The following ATAD3B variants were observed in gnomAD, a reference collection of about 807,000 sequenced individuals.
The protein encoded by ATAD3B is ATPase family AAA domain containing 3B, also known as ATPase family AAA domain-containing protein 3B.
A neutral mutation model predicts 70.2 loss-of-function variants in ATAD3B; 59 were observed. The observed-to-expected ratio is 0.84, with a 90% CI of 0.68 to 1.04. ATAD3B has a LOEUF of 1.04. Among genes scored for constraint, ATAD3B ranks in the 50% least tolerant of loss-of-function variants. The pLI, the probability that ATAD3B is intolerant of heterozygous loss-of-function variation, is 0.00. For missense variants in ATAD3B, 961 were observed against 913.4 expected (o/e 1.05, Z -0.67); for synonymous variants, 423 against 388.6 (o/e 1.09, Z -1.04).
chr1:1,483,087 G>A (rs1233582509), intron 7 of ATAD3B: 1 of 453,914 alleles, frequency 2.2e-6, no homozygotes, highest in South Asian at 1.6e-5. Flanking sequence ...GAGGTCCGGA[G>A]ATCGAGATCA....
Position 1,486,435 on chromosome 1 carries a change from C to G in ATAD3B, c.1090-109C>G. ...ACGTCTCCTGTCTGGCAGGCTGTGG[C>G]TTCCAGACAGGGACACCCGGCAGGG... On this transcript the variant is annotated intron_variant, in intron 10 of 15. Transcript: ENST00000673477. The G allele has an allele frequency of 2.5e-6, 4 of 1,607,530 alleles. No individual in the cohort carries two copies. The South Asian group carries it at 4.4e-5, about 18-fold the overall frequency.
chr1:1,490,190 C>T lies in ATAD3B; in HGVS notation c.1338-67C>T, dbSNP rs1481224973. 58 of 1,573,204 alleles carry T rather than the reference C, an allele frequency of 3.7e-5. 1 individual carries two copies. The highest frequency in any genetic ancestry group is 4.6e-5 in the Non-Finnish European group (53 of 1,159,290). On this transcript the variant is annotated intron_variant, in intron 13 of 15. Coordinates refer to ENST00000673477, the MANE Select transcript of ATAD3B (RefSeq NM_031921.6). The stretch of plus-strand genomic sequence containing the variant: ...AAGTCTCCCCGAGGGGGCTGAGGAG[C>T]CCCCGTTGCCCTCGGGGCATCTCAG...
At chr1:1,483,603 C>T (rs1640041282) in intron 7 of ATAD3B, 1 of 159,712 alleles carries the variant, frequency 6.3e-6, no homozygotes, top group Non-Finnish European at 1.4e-5. Flanking sequence ...GAAAACCCAT[C>T]TCTACTAAAA....
intron 1 of ATAD3B, among the ~76,000 whole-genome samples, chr1:1,475,002 CGTA>C (rs1166052753): frequency 2.0e-5 from 3 of 149,176 alleles, no homozygotes; most frequent in South Asian, 2.1e-4. Flanking sequence ...GAAGCTGAAT[CGTA>C]GTGATCAGCC....
rs1441495110 is a variant in ATAD3B at position 1,485,916 on chromosome 1, G to A, written c.963+78G>A. On this transcript the variant is annotated intron_variant, in intron 9 of 15. Transcript: ENST00000673477. ...GGGCTGGGCTGTGGCCCTTGCTAGC[G>A]CTCGTGGTGGCGCCCAGGAGCTTTT... 34 of 1,607,894 alleles carry A rather than the reference G, an allele frequency of 2.1e-5. 1 individual carries two copies. Among genetic ancestry groups the A allele is most frequent in the South Asian group, 5.5e-5 (5 of 90,646 alleles).
chr1:1,483,019 C>G (rs755646404), intron 7 of ATAD3B: 144 of 457,284 alleles, frequency 3.1e-4, no homozygotes, highest in Admixed American at 3.1e-4. Flanking sequence ...AATGGCCAGG[C>G]GGTAGTGGCT....
At chr1:1,473,300 C>T (rs1639427315) in intron 1 of ATAD3B, among the ~76,000 whole-genome samples, 1 of 151,204 alleles carries the variant, frequency 6.6e-6, no homozygotes, top group African/African-American at 2.4e-5. Flanking sequence ...CCACCACGCC[C>T]GGCTAATTTT....
chr1:1,479,396 G>A (rs867129403), intron 4 of ATAD3B, among the ~76,000 whole-genome samples: 2 of 139,802 alleles, frequency 1.4e-5, no homozygotes, highest in African/African-American at 5.4e-5. Flanking sequence ...GCACACATGG[G>A]CACACACACA....
intron 8 of ATAD3B, 53 bp downstream of exon 8, chr1:1,485,224 C>T: frequency 6.3e-7 from 1 of 1,597,280 alleles, no homozygotes; most frequent in South Asian, 1.1e-5. Flanking sequence ...TGAGTCCCTT[C>T]TGCCCCACGA....
At chr1:1,479,984 A>C (rs1275456264) in intron 4 of ATAD3B, among the ~76,000 whole-genome samples, 1 of 141,488 alleles carries the variant, frequency 7.1e-6, no homozygotes, top group Non-Finnish European at 1.5e-5. Flanking sequence ...ACACACAGGC[A>C]TGGACACACG....
At chr1:1,487,134 G>C (rs887949003) in intron 11 of ATAD3B, among the ~76,000 whole-genome samples, 4 of 152,230 alleles carry the variant, frequency 2.6e-5, no homozygotes, top group Admixed American at 2.0e-4. Context: ...GGCTGTCCTC[G>C]TTGGAACCAC....
the ATAD3B span, among the ~76,000 whole-genome samples, chr1:1,505,116 TGC>T: frequency 6.6e-6 from 1 of 151,936 alleles, no homozygotes; most frequent in East Asian, 1.9e-4. Flanking sequence ...TGGCCCCGAG[TGC>T]CAGGCTGCGC....
the ATAD3B span, among the ~76,000 whole-genome samples, chr1:1,507,164 G>T: frequency 6.6e-6 from 1 of 152,166 alleles, no homozygotes; most frequent in Admixed American, 6.5e-5. Flanking sequence ...TTTTCAGTTT[G>T]GATGACTTCT....
At chr1:1,474,147 G>A (rs1459984380) in intron 1 of ATAD3B, among the ~76,000 whole-genome samples, 3 of 151,942 alleles carry the variant, frequency 2.0e-5, no homozygotes, top group Admixed American at 6.6e-5. Context: ...AGCCTCCTGA[G>A]GAGAGGGGAC....
intron 5 of ATAD3B, among the ~76,000 whole-genome samples, 192 bp from the exon 6 acceptor site, chr1:1,481,946 C>T (rs1310818004): frequency 7.2e-6 from 1 of 139,184 alleles, no homozygotes; most frequent in Non-Finnish European, 1.5e-5. Context: ...GTGGCGTGGG[C>T]CGGTCCGTGG....
chr1:1,488,871 C>T (rs1268405833), intron 12 of ATAD3B, among the ~76,000 whole-genome samples: 1 of 151,774 alleles, frequency 6.6e-6, no homozygotes, highest in Non-Finnish European at 1.5e-5. Flanking sequence ...TTTAGCAATT[C>T]TCATGCCTCA....
At chr1:1,476,653 TGCCCGCCGCCAC>T (rs1277825293) in intron 1 of ATAD3B, among the ~76,000 whole-genome samples, 1 of 148,276 alleles carries the variant, frequency 6.7e-6, no homozygotes. Context: ...GGACTACAAG[TGCCCGCCGCCAC>T]GCCCGGCTAA....
chr1:1,506,189 C>T, the ATAD3B span, among the ~76,000 whole-genome samples: 1 of 152,018 alleles, frequency 6.6e-6, no homozygotes, highest in African/African-American at 2.4e-5. Flanking sequence ...GATCTGAGAT[C>T]GTGTCACTGT....
intron 9 of ATAD3B, 123 bp downstream of exon 9, chr1:1,485,961 C>T (rs1640188993): frequency 6.3e-7 from 1 of 1,594,608 alleles, no homozygotes; most frequent in African/African-American, 1.3e-5. Flanking sequence ...GATGCAACTG[C>T]TTGGACTGTG....
Sources: allele counts gnomAD v4.1 joint callset (sites outside exome capture counted in the v4.1 genomes callset), GRCh38; gene constraint gnomAD v4.1.1; transcripts MANE v1.5; gene names NCBI Gene and HGNC (gene_info 2026-07-23, HGNC 2026-07-21).